The following CLEC4A variants were observed in gnomAD, a reference collection of about 807,000 sequenced individuals.
CLEC4A encodes the protein C-type lectin domain family 4 member A.
CLEC4A carries 27 observed loss-of-function variants against 32.7 expected under a neutral mutation model. The ratio of observed to expected loss-of-function variants is 0.83; its 90% confidence interval spans 0.61 to 1.14. CLEC4A has a LOEUF of 1.14. Ranked by LOEUF, CLEC4A falls within the 50% of genes most tolerant of loss-of-function variation. The pLI is 0.00. For synonymous variants in CLEC4A, 89 were observed against 93.7 expected (o/e 0.95, Z 0.29); for missense variants, 253 against 274.6 (o/e 0.92, Z 0.55).
upstream of CLEC4A, chr12:8,123,500 T>C (rs1174774919): frequency 1.2e-5 from 2 of 170,452 alleles, no homozygotes; most frequent in African/African-American, 4.8e-5. Context: ...ACAGAAATTG[T>C]ATTTTTTACT....
chr12:8,117,892 A>G, the CLEC4A span, among the ~76,000 whole-genome samples: 1 of 152,166 alleles, frequency 6.6e-6, no homozygotes, highest in African/African-American at 2.4e-5. Context: ...GTAAACCAAA[A>G]AGTGACTGAG....
At chr12:8,105,453 A>G in the CLEC4A span, among the ~76,000 whole-genome samples, 96,319 of 151,404 alleles carry the variant, frequency 0.64, 31,360 homozygotes, top group Non-Finnish European at 0.73. Context: ...AGGTTCAAGC[A>G]ATTCTCCTGC....
the CLEC4A span, among the ~76,000 whole-genome samples, chr12:8,107,761 C>T: frequency 1.4e-5 from 2 of 147,594 alleles, no homozygotes; most frequent in Non-Finnish European, 3.0e-5. Context: ...GTATTTATAT[C>T]GATCTTCTGC....
At chr12:8,114,383 C>T in the CLEC4A span, among the ~76,000 whole-genome samples, 15 of 151,834 alleles carry the variant, frequency 9.9e-5, no homozygotes, top group East Asian at 9.7e-4. Flanking sequence ...TAGCTGGGAC[C>T]ACAGGCGCCC....
At chr12:8,104,459 G>A in the CLEC4A span, among the ~76,000 whole-genome samples, 18 of 152,246 alleles carry the variant, frequency 1.2e-4, no homozygotes, top group Admixed American at 3.9e-4. Flanking sequence ...GAAAGCCTAC[G>A]GCTGGCTTCT....
the CLEC4A span, among the ~76,000 whole-genome samples, chr12:8,103,415 C>T: frequency 1.0e-3 from 101 of 99,524 alleles, no homozygotes; most frequent in Non-Finnish European, 1.4e-3. Flanking sequence ...TAGACGGAGT[C>T]TCACTCTGTC....
chr12:8,103,371 C>CGGTTTT, the CLEC4A span, among the ~76,000 whole-genome samples: 1 of 49,024 alleles, frequency 2.0e-5, no homozygotes, highest in South Asian at 6.9e-4. Context: ...TTGTTTCTTT[C>CGGTTTT]TGTTGTTTTT....
chr12:8,112,592 C>A, the CLEC4A span, among the ~76,000 whole-genome samples: 1 of 149,736 alleles, frequency 6.7e-6, no homozygotes, highest in Non-Finnish European at 1.5e-5. Flanking sequence ...CTTTTTTTTT[C>A]ATGTGTTGTC....
intron 3 of CLEC4A, chr12:8,134,082 G>T: frequency 6.3e-7 from 1 of 1,589,210 alleles, no homozygotes. Flanking sequence ...CTGATCTGCT[G>T]CAGTGTGGGT....
upstream of CLEC4A, among the ~76,000 whole-genome samples, chr12:8,119,790 C>T (rs1008267820): frequency 2.0e-5 from 3 of 152,162 alleles, no homozygotes; most frequent in African/African-American, 4.8e-5. Context: ...GTTGAGGGCA[C>T]GCCCTTCATA....
the CLEC4A span, among the ~76,000 whole-genome samples, chr12:8,106,523 A>G: frequency 6.6e-6 from 1 of 152,240 alleles, no homozygotes; most frequent in Non-Finnish European, 1.5e-5. Flanking sequence ...ATCCATGAGC[A>G]TGGAATATTT....
the CLEC4A span, among the ~76,000 whole-genome samples, chr12:8,115,004 A>G: frequency 1.7e-4 from 26 of 152,190 alleles, no homozygotes; most frequent in East Asian, 3.9e-3. Flanking sequence ...TCTCCTACCA[A>G]TCTCCAGGTT....
At chr12:8,138,087 C>A in intron 5 of CLEC4A, 53 bp from the exon 6 acceptor site, 2 of 1,576,494 alleles carry the variant, frequency 1.3e-6, no homozygotes, top group South Asian at 1.2e-5. Context: ...TGTCTCTAAC[C>A]CTTTTCAAAG....
intron 2 of CLEC4A, 73 bp from the exon 3 acceptor site, chr12:8,129,191 G>T: frequency 7.7e-6 from 7 of 911,756 alleles, no homozygotes; most frequent in Admixed American, 2.6e-5. Context: ...AATAAAGAAT[G>T]CAAGAAAGTA....
intron 2 of CLEC4A, among the ~76,000 whole-genome samples, chr12:8,128,004 A>G (rs1369538867): frequency 6.6e-6 from 1 of 152,194 alleles, no homozygotes; most frequent in African/African-American, 2.4e-5. Context: ...GAGAGGTCTG[A>G]GCTTTGGAAG....
chr12:8,122,673 T>C (rs1253703951), upstream of CLEC4A, among the ~76,000 whole-genome samples: 4 of 152,120 alleles, frequency 2.6e-5, no homozygotes, highest in Non-Finnish European at 5.9e-5. Flanking sequence ...TTTCTTAGTG[T>C]CACAGAAAGG....
chr12:8,134,065 G>C (rs1264186374), intron 3 of CLEC4A: 8 of 1,590,358 alleles, frequency 5.0e-6, no homozygotes. Context: ...GCTGCTGGGC[G>C]ATGTGGCTGA....
the CLEC4A span, among the ~76,000 whole-genome samples, chr12:8,103,371 C>CTTTTTTTTTTTT: frequency 2.4e-4 from 12 of 49,032 alleles, 1 homozygote; most frequent in Admixed American, 8.2e-4. Context: ...TTGTTTCTTT[C>CTTTTTTTTTTTT]TGTTGTTTTT....
upstream of CLEC4A, chr12:8,123,540 C>G (rs1947852184): frequency 5.2e-6 from 1 of 193,186 alleles, no homozygotes; most frequent in South Asian, 1.3e-4. Context: ...CAGAAAGACT[C>G]TAAGTGCTTG....
Sources: gnomAD v4.1 joint callset for allele counts (sites outside exome capture counted in the v4.1 genomes callset) on GRCh38, gnomAD v4.1.1 for gene constraint, MANE v1.5 for transcripts, NCBI Gene and HGNC (gene_info 2026-07-23, HGNC 2026-07-21) for gene names.